Variants in XXYLT1 observed in about 807,000 individuals in gnomAD.
XXYLT1 encodes the protein UDP-xylose:alpha-xyloside alpha-1,3-xylosyltransferase.
In XXYLT1, 20 loss-of-function variants were observed where a neutral mutation model predicts 28.9. The observed-to-expected ratio is 0.69, with a 90% CI of 0.49 to 1.00. The LOEUF (loss-of-function observed/expected upper bound fraction) is 1.00, where lower values mean the gene tolerates loss of function less well. XXYLT1 is among the 50% of genes least tolerant of loss of function. XXYLT1 has a pLI of 0.00. For missense variants in XXYLT1, 542 were observed against 560.1 expected, an observed-to-expected ratio of 0.97 and a Z score of 0.33; for synonymous variants, 257 against 253.8, an observed-to-expected ratio of 1.01 and a Z score of -0.12.
intron 1 of XXYLT1, among the ~76,000 whole-genome samples, chr3:195,263,065 C>G (rs561342577): frequency 6.6e-6 from 1 of 152,270 alleles, no homozygotes; most frequent in African/African-American, 2.4e-5. Context: ...CCAGGGTCAC[C>G]TGTTTGTCAT....
intron 1 of XXYLT1, among the ~76,000 whole-genome samples, chr3:195,260,247 T>A (rs1321791498): frequency 2.1e-4 from 31 of 150,690 alleles, no homozygotes; most frequent in Admixed American, 2.1e-3. Flanking sequence ...TCGGCCCGTG[T>A]GTCGGCCCCG....
chr3:195,203,635 G>C (rs1456231655), intron 2 of XXYLT1, among the ~76,000 whole-genome samples: 1 of 152,176 alleles, frequency 6.6e-6, no homozygotes, highest in Non-Finnish European at 1.5e-5. Flanking sequence ...GGAGCAAATG[G>C]CCTGACAGAC....
In XXYLT1 at chr3:195,270,629, C is replaced by A. The variant is rs1270142885; in HGVS notation, c.430G>T (p.Glu144Ter). The change falls in exon 1 of 4, where the codon GAG becomes TAG. Residue 144 changes from glutamate (E) to a stop codon, truncating the protein, a stop_gained. Transcript: ENST00000310380. LOFTEE classifies it high-confidence loss of function. ...TTGGCCACCTCGCGGCTGGCCTCCT[C>A]GCTCACGAAGTGAAGGTTAAGCACC... is the stretch of plus-strand genomic sequence containing the variant. ...HEVLNLHFVS[E>*]EASREVAKGL... The A allele has an allele frequency of 4.6e-6, 7 of 1,532,738 alleles. No homozygotes were observed. The highest frequency in any genetic ancestry group is 1.4e-5 in the African/African-American group (1 of 70,380). The allele number at this position is 1,532,738 out of a possible 1,614,324, so 94.9% of individuals were successfully genotyped here.
chr3:195,234,844 G>C (rs1221942499), intron 1 of XXYLT1, among the ~76,000 whole-genome samples: 1 of 151,936 alleles, frequency 6.6e-6, no homozygotes, highest in East Asian at 1.9e-4. Context: ...AGACGTCTTT[G>C]GGCTAAATCT....
intron 1 of XXYLT1, among the ~76,000 whole-genome samples, chr3:195,239,510 C>T (rs1244405299): frequency 6.6e-6 from 1 of 152,028 alleles, no homozygotes; most frequent in East Asian, 1.9e-4. Context: ...GGCAATTAGC[C>T]AATGAGAAGA....
intron 1 of XXYLT1, among the ~76,000 whole-genome samples, chr3:195,241,725 T>G (rs963439617): frequency 1.3e-5 from 2 of 151,964 alleles, no homozygotes; most frequent in African/African-American, 4.8e-5. Context: ...CATTCAGGTA[T>G]CAGTTCAAAC....
At chr3:195,080,991 G>A (rs934081864) in intron 3 of XXYLT1, among the ~76,000 whole-genome samples, 5 of 152,182 alleles carry the variant, frequency 3.3e-5, no homozygotes, top group African/African-American at 9.7e-5. Flanking sequence ...GTCCCTGATC[G>A]CTGTCCTACA....
intron 2 of XXYLT1, among the ~76,000 whole-genome samples, chr3:195,196,710 C>T (rs77129569): frequency 0.034 from 5,191 of 152,138 alleles, 151 homozygotes; most frequent in East Asian, 0.1. Flanking sequence ...GAGACCCAAC[C>T]GTGTAAAAGC....
intron 1 of XXYLT1, among the ~76,000 whole-genome samples, chr3:195,260,498 C>T (rs1208366419): frequency 1.3e-5 from 2 of 152,236 alleles, no homozygotes; most frequent in Non-Finnish European, 2.9e-5. Context: ...CCGGACACCG[C>T]GCGGATTCTG....
At chr3:195,260,475 T>C (rs938460997) in intron 1 of XXYLT1, among the ~76,000 whole-genome samples, 1 of 152,132 alleles carries the variant, frequency 6.6e-6, no homozygotes, top group African/African-American at 2.4e-5. Flanking sequence ...ACGGGGCACC[T>C]GGAAAGCCAG....
intron 2 of XXYLT1, among the ~76,000 whole-genome samples, chr3:195,171,608 G>A (rs1004063507): frequency 6.6e-6 from 1 of 152,148 alleles, no homozygotes; most frequent in Admixed American, 6.6e-5. Context: ...GCAGTTTCCC[G>A]ATCTCCATGG....
At chr3:195,095,691 TG>T (rs1172243047) in intron 3 of XXYLT1, 1 of 153,502 alleles carries the variant, frequency 6.5e-6, no homozygotes, top group Non-Finnish European at 1.5e-5. Flanking sequence ...CAGGCGGCAG[TG>T]GCCAGGGAAC....
chr3:195,259,340 CAG>C (rs1411363735), intron 1 of XXYLT1, among the ~76,000 whole-genome samples: 1 of 152,280 alleles, frequency 6.6e-6, no homozygotes, highest in African/African-American at 2.4e-5. Context: ...AGTGGCCTCT[CAG>C]AGTCAGAGCC....
At chr3:195,232,175 T>G (rs1288724628) in intron 1 of XXYLT1, among the ~76,000 whole-genome samples, 1 of 152,164 alleles carries the variant, frequency 6.6e-6, no homozygotes, top group African/African-American at 2.4e-5. Context: ...TGGTATATAG[T>G]TGTTCACAGT....
At chr3:195,253,910 C>G (rs1285950465) in intron 1 of XXYLT1, among the ~76,000 whole-genome samples, 2 of 152,242 alleles carry the variant, frequency 1.3e-5, no homozygotes, top group South Asian at 2.1e-4. Context: ...GCAAACGCTG[C>G]TCAGCAAATT....
chr3:195,107,594 G>GA (rs1341546491), intron 3 of XXYLT1, among the ~76,000 whole-genome samples: 1 of 24,764 alleles, frequency 4.0e-5, no homozygotes, highest in Non-Finnish European at 6.8e-5. Context: ...GGGGGAGGAG[G>GA]AGGGGGAGGA....
chr3:195,106,217 G>GTCC (rs1717072646), intron 3 of XXYLT1, among the ~76,000 whole-genome samples: 1 of 151,850 alleles, frequency 6.6e-6, no homozygotes, highest in South Asian at 2.1e-4. Flanking sequence ...TCATTCACTA[G>GTCC]TGTTCTCGAC....
At chr3:195,206,019 T>A (rs1345851599) in intron 2 of XXYLT1, among the ~76,000 whole-genome samples, 3 of 148,760 alleles carry the variant, frequency 2.0e-5, no homozygotes. Flanking sequence ...ATTTAAAGTT[T>A]AATTTTTTTT....
At chr3:195,217,693 G>A (rs1409984849) in intron 2 of XXYLT1, among the ~76,000 whole-genome samples, 1 of 151,780 alleles carries the variant, frequency 6.6e-6, no homozygotes, top group Admixed American at 6.6e-5. Flanking sequence ...AACATGCCAT[G>A]CTCATGGGTA....
Sources: gnomAD v4.1 joint callset for allele counts (sites outside exome capture counted in the v4.1 genomes callset) on GRCh38, gnomAD v4.1.1 for gene constraint, MANE v1.5 for transcripts, NCBI Gene and HGNC (gene_info 2026-07-23, HGNC 2026-07-21) for gene names.